Variants in NOL7 observed in about 807,000 individuals in gnomAD.
NOL7 encodes the protein nucleolar protein 7, also known as U3 small nucleolar RNA-associated protein NOL7.
Under a neutral mutation model 38.4 loss-of-function variants are expected in NOL7, and 36 were observed. That is an observed-to-expected ratio of 0.94 (90% CI 0.72 to 1.24). NOL7 has a LOEUF of 1.24. Ranked by LOEUF, NOL7 falls within the 50% of genes most tolerant of loss-of-function variation. The probability of loss-of-function intolerance (pLI) is 0.00; values close to 1 mark genes in which losing one functional copy is unlikely to be tolerated. For missense variants in NOL7, 350 were observed against 315.1 expected (o/e 1.11, Z -0.84); for synonymous variants, 142 against 126.5 (o/e 1.12, Z -0.82).
chr6:13,619,346 C>T (rs1015120894), intron 5 of NOL7, among the ~76,000 whole-genome samples: 1 of 152,174 alleles, frequency 6.6e-6, no homozygotes, highest in Non-Finnish European at 1.5e-5. Flanking sequence ...GAATTTTGGC[C>T]GATACTGTGG....
chr6:13,615,709 C>T lies in NOL7; in HGVS notation c.267-3C>T. 1.2e-6 allele frequency: 2 copies of T among 1,614,258 alleles called. No individual in the cohort carries two copies. The highest frequency in any genetic ancestry group is 8.5e-7 in the Non-Finnish European group (1 of 1,180,044). ...TTTGCTGACTTATCACCCTTCCTCC[C>T]AGGGATAAAACGCTCCTGAAGGAGA... is the stretch of plus-strand genomic sequence containing the variant. On this transcript the variant is annotated splice_region_variant and splice_polypyrimidine_tract_variant and intron_variant, in intron 1 of 7. Coordinates refer to ENST00000451315, the MANE Select transcript of NOL7 (RefSeq NM_016167.5).
rs1764428961 is a variant in NOL7 at position 13,620,988 on chromosome 6, T to C, written c.*161T>C. Reference sequence around the variant, plus strand: ...GGAGTAGAACTGTGCCTTGCAATCCTAGAGGAAAAAGTGGTTTAAGAAGGA... The same window carrying C: ...GGAGTAGAACTGTGCCTTGCAATCCCAGAGGAAAAAGTGGTTTAAGAAGGA... On this transcript the variant is annotated 3_prime_UTR_variant, in exon 8 of 8. Transcript: ENST00000451315. The C allele has an allele frequency of 4.2e-6, 2 of 474,706 alleles. No individual in the cohort carries two copies. Among genetic ancestry groups the C allele is most frequent in the East Asian group, 6.7e-5 (2 of 29,654 alleles). 29.4% of individuals were successfully genotyped at this position (474,706 alleles called of 1,614,324 possible).
At chr6:13,629,815 G>A (rs1639782297) in intron 8 of NOL7, among the ~76,000 whole-genome samples, 2 of 151,778 alleles carry the variant, frequency 1.3e-5, no homozygotes, top group Admixed American at 1.3e-4. Context: ...AAAACTAAAA[G>A]GAAAAAGGTC....
Position 13,615,465 on chromosome 6 carries a change from TGCTCGG to T in NOL7, c.110_115del (p.Leu37_Gly38del), listed in dbSNP as rs1473075939. 6.4e-7 allele frequency: 1 copy of T among 1,550,740 alleles called. No homozygotes were observed. The highest frequency in any genetic ancestry group is 8.7e-7 in the Non-Finnish European group (1 of 1,147,130). On this transcript the variant is annotated inframe_deletion, in exon 1 of 8. Coordinates refer to ENST00000451315, the MANE Select transcript of NOL7 (RefSeq NM_016167.5). Reference sequence around the variant, plus strand: ...GAGGAGGAGGCGGAGCACGGGCTGTTGCTCGGGCAGCCCAGCAGCGGCGCGGCCGCC... The same window carrying T: ...GAGGAGGAGGCGGAGCACGGGCTGTTGCAGCCCAGCAGCGGCGCGGCCGCC...
chr6:13,623,475 T>C (rs897314426), downstream of NOL7, among the ~76,000 whole-genome samples: 1 of 151,906 alleles, frequency 6.6e-6, no homozygotes, highest in Non-Finnish European at 1.5e-5. Flanking sequence ...GACTTAAAGG[T>C]AGAAGAGAAA....
At chr6:13,628,414 G>A (rs1185799087) in intron 8 of NOL7, among the ~76,000 whole-genome samples, 1 of 152,120 alleles carries the variant, frequency 6.6e-6, no homozygotes, top group Non-Finnish European at 1.5e-5. Context: ...GGAGAAAAAA[G>A]CATGGTTGGA....
intron 8 of NOL7, among the ~76,000 whole-genome samples, chr6:13,631,868 A>G (rs1764792103): frequency 6.6e-6 from 1 of 152,178 alleles, no homozygotes; most frequent in South Asian, 2.1e-4. Context: ...AATGTATTTT[A>G]ACTATTCTGG....
At chr6:13,617,835 TAA>T (rs758764579) in intron 4 of NOL7, 34 bp downstream of exon 4, 1 of 1,585,038 alleles carries the variant, frequency 6.3e-7, no homozygotes, top group Non-Finnish European at 8.7e-7. Context: ...ACTTCTCATG[TAA>T]GTGTCAAGTG....
chr6:13,625,659 T>C (rs779678243), downstream of NOL7: 7 of 1,601,756 alleles, frequency 4.4e-6, no homozygotes, highest in Admixed American at 8.3e-5. Flanking sequence ...TTACCTAATA[T>C]TGCACTGTTA....
In NOL7 at chr6:13,618,124, A is replaced by G; in HGVS notation, c.485A>G (p.Lys162Arg). 6.3e-7 allele frequency: 1 copy of G among 1,587,274 alleles called. No homozygotes were observed. Among genetic ancestry groups the G allele is most frequent in the Non-Finnish European group, 8.6e-7 (1 of 1,157,042 alleles). The change falls in exon 5 of 8, where the codon AAA becomes AGA. Residue 162 changes from lysine to arginine, a missense_variant. Physicochemically the swap from Lys to Arg is conservative, Grantham distance 26 (BLOSUM62 2). Coordinates refer to ENST00000451315, the MANE Select transcript of NOL7 (RefSeq NM_016167.5). ...GNDSKKVKVQ[K>R]VQSVSQNKSY... ...GACTCCAAGAAAGTTAAAGTACAAA[A>G]AGTACAGTCTGTCAGGTAATGAGTC...
intron 8 of NOL7, among the ~76,000 whole-genome samples, chr6:13,626,919 A>G (rs9382303): frequency 0.089 from 13,518 of 152,242 alleles, 1,026 homozygotes; most frequent in East Asian, 0.4. Context: ...AGCCTCTAAT[A>G]TTGTGGATTT....
intron 8 of NOL7, among the ~76,000 whole-genome samples, chr6:13,627,630 CAAAAAAAAAA>C (rs35401168): frequency 1.5e-5 from 1 of 66,410 alleles, no homozygotes; most frequent in Admixed American, 1.7e-4. Context: ...ACTCCATCTC[CAAAAAAAAAA>C]AAAAAAAAAA....
At chr6:13,626,858 T>TG (rs975157495) in intron 8 of NOL7, among the ~76,000 whole-genome samples, 8 of 152,044 alleles carry the variant, frequency 5.3e-5, no homozygotes, top group African/African-American at 1.9e-4. Context: ...AAAGCAGAGG[T>TG]GGGGGAAAGG....
At chr6:13,623,537 T>A (rs1420329976), downstream of NOL7, among the ~76,000 whole-genome samples, 1 of 152,140 alleles carries the variant, frequency 6.6e-6, no homozygotes, top group East Asian at 1.9e-4. Context: ...CATAGATTGA[T>A]GAGAAAGTGT....
intron 3 of NOL7, among the ~76,000 whole-genome samples, chr6:13,617,248 C>CG (rs1764317266): frequency 6.6e-6 from 1 of 151,376 alleles, no homozygotes; most frequent in East Asian, 2.0e-4. Context: ...CTCATTTGCC[C>CG]CCCCCCACCT....
At chr6:13,629,515 G>A (rs1197345224) in intron 8 of NOL7, among the ~76,000 whole-genome samples, 2 of 152,130 alleles carry the variant, frequency 1.3e-5, no homozygotes, top group East Asian at 3.9e-4. Flanking sequence ...ACATCATTTA[G>A]GTAGGATTTT....
rs1213166580 is a variant in NOL7 at position 13,615,347 on chromosome 6, G to A, written c.-12G>A. ...CGGGTCAGAGGTCAGACGGTCTAGCGCTGCGTGGGCCATGGTGCAGCTCCG... is the reference window on the plus strand; with the variant it reads ...CGGGTCAGAGGTCAGACGGTCTAGCACTGCGTGGGCCATGGTGCAGCTCCG... On this transcript the variant is annotated 5_prime_UTR_variant, in exon 1 of 8. Coordinates refer to ENST00000451315, the MANE Select transcript of NOL7 (RefSeq NM_016167.5). The A allele has an allele frequency of 5.4e-6, 8 of 1,475,220 alleles. No individual in the cohort carries two copies. In the South Asian group the frequency reaches 9.8e-5, roughly 18 times the overall value. 91.4% of individuals were successfully genotyped at this position (1,475,220 alleles called of 1,614,324 possible).
chr6:13,623,110 G>A (rs1764500473), downstream of NOL7, among the ~76,000 whole-genome samples: 1 of 152,042 alleles, frequency 6.6e-6, no homozygotes, highest in Non-Finnish European at 1.5e-5. Context: ...AATTTTCAGG[G>A]TCCTGCATAT....
Position 13,620,820 on chromosome 6 carries a change from A to G in NOL7, c.767A>G (p.Lys256Arg). Residue 256 changes from lysine (K) to arginine (R), a missense_variant, in exon 8 of 8, where the codon AAG (lysine) becomes AGG (arginine). Transcript: ENST00000451315. ...RRWMVRKMKT[K>R]K ...TGGATGGTCAGAAAGATGAAAACTA[A>G]GAAGTAAATCAATGCTAAATGAAGA... 6.3e-7 allele frequency: 1 copy of G among 1,590,688 alleles called. No individual in the cohort carries two copies. Among genetic ancestry groups the G allele is most frequent in the African/African-American group, 1.3e-5 (1 of 74,078 alleles).
Sources: allele counts gnomAD v4.1 joint callset (sites outside exome capture counted in the v4.1 genomes callset), GRCh38; gene constraint gnomAD v4.1.1; transcripts MANE v1.5; gene names NCBI Gene and HGNC (gene_info 2026-07-23, HGNC 2026-07-21).